IRAG2: variants seen among roughly 807,000 people sequenced by gnomAD.
The protein encoded by IRAG2 is lymphoid restricted membrane protein.
Under a neutral mutation model 69.9 loss-of-function variants are expected in IRAG2, and 45 were observed. The ratio of observed to expected loss-of-function variants is 0.64; its 90% CI spans 0.51 to 0.83. The LOEUF (loss-of-function observed/expected upper bound fraction) is 0.83. Among genes scored for constraint, IRAG2 ranks in the 40% least tolerant of loss-of-function variants. The pLI, the probability that IRAG2 is intolerant of heterozygous loss-of-function variation, is 0.00. For missense variants in IRAG2, 520 were observed against 587.0 expected (o/e 0.89, Z 1.18); for synonymous variants, 193 against 202.4 (o/e 0.95, Z 0.40).
intron 5 of IRAG2, among the ~76,000 whole-genome samples, chr12:25,068,006 G>T (rs957442673): frequency 3.9e-5 from 6 of 152,104 alleles, no homozygotes. Flanking sequence ...ATGCCCAGCT[G>T]ATTTTTGAAT....
chr12:25,019,994 G>A (rs1697457172), intron 6 of IRAG2, among the ~76,000 whole-genome samples: 1 of 152,214 alleles, frequency 6.6e-6, no homozygotes, highest in Non-Finnish European at 1.5e-5. Context: ...CTCCAGATGA[G>A]TAGAATTCTC....
At position 25,023,582 on chromosome 12, in the gene IRAG2, A is replaced by G. The variant is rs575282800; in HGVS notation, c.1333-289A>G. Among the ~76,000 whole-genome samples the G allele has an allele frequency of 2.0e-5, 3 of 152,320 alleles. No homozygotes were observed. In the East Asian group the frequency reaches 5.8e-4, roughly 29 times the overall value. ...AGTTTACAACTACCTGTCATAAATG[A>G]AGTAGCAGGGAAAGAAGCCAGGTTG... On this transcript the variant is annotated intron_variant, in intron 7 of 38. Transcript: ENST00000636465.
chr12:25,081,141 T>C (rs935504902), intron 9 of IRAG2, among the ~76,000 whole-genome samples: 2 of 138,636 alleles, frequency 1.4e-5, no homozygotes. Flanking sequence ...ATAAAACTTA[T>C]GTGAATGTGG....
At chr12:25,074,875 A>G (rs1946577315) in intron 6 of IRAG2, among the ~76,000 whole-genome samples, 1 of 152,236 alleles carries the variant, frequency 6.6e-6, no homozygotes, top group Non-Finnish European at 1.5e-5. Context: ...TATTAAGGCC[A>G]AGAACAGGAT....
chr12:25,079,539 G>C, intron 8 of IRAG2, 77 bp downstream of exon 8: 1 of 1,387,862 alleles, frequency 7.2e-7, no homozygotes, highest in South Asian at 1.2e-5. Flanking sequence ...TGACCTGCTG[G>C]GGTGTGAGCA....
intron 16 of IRAG2, among the ~76,000 whole-genome samples, chr12:25,101,617 T>G (rs1165755224): frequency 6.6e-6 from 1 of 152,136 alleles, no homozygotes; most frequent in Non-Finnish European, 1.5e-5. Context: ...TTCCCCTACT[T>G]AGGATACATT....
intron 6 of IRAG2, among the ~76,000 whole-genome samples, chr12:25,075,379 A>T (rs1946613953): frequency 6.6e-6 from 1 of 152,206 alleles, no homozygotes; most frequent in Admixed American, 6.5e-5. Context: ...TCTGATCACA[A>T]AATCTGTAGT....
At chr12:25,088,209 T>A (rs969593693) in intron 11 of IRAG2, 52 bp downstream of exon 11, 2 of 1,428,108 alleles carry the variant, frequency 1.4e-6, no homozygotes, top group Admixed American at 1.7e-5. Flanking sequence ...TCTGCTGATA[T>A]TTTTGTGGGT....
At chr12:25,052,655 C>T (rs907640761), upstream of IRAG2, 1 of 397,440 alleles carries the variant, frequency 2.5e-6, no homozygotes, top group Non-Finnish European at 4.4e-6. Context: ...CACAGAATTG[C>T]AGAAGTTCAG....
rs569408249 is a variant in IRAG2 at position 25,072,110 on chromosome 12, C to T, written c.24+2679C>T. 4.6e-4 allele frequency among the ~76,000 whole-genome samples: 70 copies of T among 151,812 alleles called. 1 individual carries two copies. Among genetic ancestry groups the T allele is most frequent in the Non-Finnish European group, 7.6e-4 (52 of 68,014 alleles). On this transcript the variant is annotated intron_variant, in intron 6 of 21. Coordinates refer to ENST00000556887, the MANE Select transcript of IRAG2 (RefSeq NM_001366544.2). The stretch of plus-strand genomic sequence containing the variant: ...AAACCAGCTCCTTGGGAGGCTGAGG[C>T]AGGAGAATCACTTGAATCCGGAAGG...
At chr12:25,083,378 G>A in intron 9 of IRAG2, 45 bp from the exon 10 acceptor site, 1 of 1,221,580 alleles carries the variant, frequency 8.2e-7, no homozygotes, top group Non-Finnish European at 1.2e-6. Context: ...TCTTTTACTT[G>A]CTCCTGCCCC....
chr12:25,093,556 G>C (rs879912215), intron 14 of IRAG2: 2 of 153,002 alleles, frequency 1.3e-5, no homozygotes, highest in African/African-American at 4.8e-5. Context: ...TTGCAGATTC[G>C]TTTTCACTTC....
chr12:25,007,698 T>G (rs959854357), intron 2 of IRAG2, among the ~76,000 whole-genome samples: 1 of 152,170 alleles, frequency 6.6e-6, no homozygotes, highest in Non-Finnish European at 1.5e-5. Flanking sequence ...ATTTTTGTAT[T>G]TTTAGTAGAA....
exon 1 of IRAG2, chr12:25,004,455 T>C (rs907479626): frequency 2.4e-6 from 3 of 1,231,986 alleles, no homozygotes; most frequent in Non-Finnish European, 3.0e-6. Flanking sequence ...TTCAGCAGAT[T>C]ATCAAATACC....
chr12:25,053,331 T>C (rs543419632), intron 1 of IRAG2, among the ~76,000 whole-genome samples: 1 of 151,900 alleles, frequency 6.6e-6, no homozygotes, highest in South Asian at 2.1e-4. Context: ...TTAGCTAGTT[T>C]TTTTCCTCTC....
upstream of IRAG2, among the ~76,000 whole-genome samples, chr12:25,050,097 A>C (rs1944830461): frequency 6.6e-6 from 1 of 151,166 alleles, no homozygotes; most frequent in Non-Finnish European, 1.5e-5. Flanking sequence ...CACTCCATCC[A>C]GCCTGGGTGA....
chr12:25,005,733 TTTTC>T (rs1341864428), intron 2 of IRAG2, among the ~76,000 whole-genome samples: 2 of 152,344 alleles, frequency 1.3e-5, no homozygotes, highest in Non-Finnish European at 2.9e-5. Flanking sequence ...TCACTTCTGT[TTTTC>T]TTTAATTTTT....
intron 6 of IRAG2, chr12:25,076,766 T>C: frequency 4.1e-6 from 1 of 244,996 alleles, no homozygotes; most frequent in Non-Finnish European, 6.5e-6. Flanking sequence ...TACTTTATTA[T>C]TATTAAGAAA....
intron 3 of IRAG2, among the ~76,000 whole-genome samples, chr12:25,012,127 C>T (rs1276993860): frequency 1.3e-5 from 2 of 148,748 alleles, no homozygotes; most frequent in Non-Finnish European, 3.0e-5. Context: ...TGTCTTCTTC[C>T]ACAGAAAGCG....
Sources: allele counts gnomAD v4.1 joint callset (sites outside exome capture counted in the v4.1 genomes callset), GRCh38; gene constraint gnomAD v4.1.1; transcripts MANE v1.5; gene names NCBI Gene and HGNC (gene_info 2026-07-23, HGNC 2026-07-21).